The following FADS2 variants were observed in gnomAD, a reference collection of about 807,000 sequenced individuals.
The protein encoded by FADS2 is acyl-CoA 6-desaturase.
Under a neutral mutation model 61.2 loss-of-function variants are expected in FADS2, and 18 were observed. The ratio of observed to expected loss-of-function variants is 0.29; its 90% CI spans 0.20 to 0.44. FADS2 has a LOEUF of 0.44. Ranked by LOEUF, FADS2 falls within the 20% of genes least tolerant of loss-of-function variation. The pLI, the probability that FADS2 is intolerant of heterozygous loss-of-function variation, is 1.00. For missense variants in FADS2, 322 were observed against 572.7 expected, an observed-to-expected ratio of 0.56 and a Z score of 4.47; for synonymous variants, 203 against 223.9, an observed-to-expected ratio of 0.91 and a Z score of 0.83.
chr11:61,860,625 A>G (rs1021085004), intron 7 of FADS2, among the ~76,000 whole-genome samples: 17 of 152,174 alleles, frequency 1.1e-4, no homozygotes, highest in Non-Finnish European at 2.2e-4. Flanking sequence ...TCTACACTCA[A>G]AAGAAGTCCA....
At chr11:61,864,019 G>A in intron 10 of FADS2, 1 of 516,878 alleles carries the variant, frequency 1.9e-6, no homozygotes, top group Non-Finnish European at 3.5e-6. Context: ...CTTGGTCATA[G>A]TGGTTACCAC....
intron 2 of FADS2, 108 bp from the exon 3 acceptor site, chr11:61,840,226 C>A: frequency 1.1e-6 from 1 of 936,346 alleles, no homozygotes; most frequent in Middle Eastern, 3.2e-4. Context: ...CCCCTCTTGC[C>A]ACAGCTTCTC....
At chr11:61,857,321 C>T (rs753098914) in intron 6 of FADS2, 133 bp from the exon 7 acceptor site, 63 of 850,454 alleles carry the variant, frequency 7.4e-5, no homozygotes, top group Admixed American at 2.4e-4. Flanking sequence ...CTGCAGGCCC[C>T]GGGGTCCCTG....
At chr11:61,848,403 C>T in intron 5 of FADS2, 119 bp downstream of exon 5, 2 of 1,501,172 alleles carry the variant, frequency 1.3e-6, no homozygotes, top group Non-Finnish European at 1.8e-6. Flanking sequence ...GGGCGAATGG[C>T]AGCCATCGAG....
rs529084714 is a variant in FADS2, at chr11:61,848,154, C to A, written c.619-5C>A. On this transcript the variant is annotated splice_polypyrimidine_tract_variant and splice_region_variant and intron_variant, in intron 4 of 11. Coordinates refer to ENST00000278840, the MANE Select transcript of FADS2 (RefSeq NM_004265.4). ...TGGCTCATCCCCACCCCTCTCTCCC[C>A]ACAGGGTGCCTCTGCCAACTGGTGG... 4.0e-5 allele frequency: 64 copies of A among 1,614,142 alleles called. No individual in the cohort carries two copies. In the East Asian group the frequency reaches 1.2e-3, roughly 31 times the overall value.
chr11:61,865,085 T>C lies in FADS2; in HGVS notation c.1158-67T>C. 6.4e-7 allele frequency: 1 copy of C among 1,556,836 alleles called. No individual in the cohort carries two copies. Among genetic ancestry groups the C allele is most frequent in the African/African-American group, 1.3e-5 (1 of 74,090 alleles). ...CCCCAGCCAGCCTCTGCCCAGGTGGTGGGAGGAAGCGGGAGCAGCATGGCC... is the reference window on the plus strand; with the variant it reads ...CCCCAGCCAGCCTCTGCCCAGGTGGCGGGAGGAAGCGGGAGCAGCATGGCC... On this transcript the variant is annotated intron_variant, in intron 10 of 11. Coordinates refer to ENST00000278840, the MANE Select transcript of FADS2 (RefSeq NM_004265.4). This position sits in a 1 kb window ranked among gnomAD's most constrained non-coding sequence, Gnocchi z 4.1.
chr11:61,863,959 C>T, intron 10 of FADS2, 173 bp downstream of exon 10: 1 of 602,254 alleles, frequency 1.7e-6, no homozygotes, highest in Non-Finnish European at 3.0e-6. Flanking sequence ...GAGAGGGGCT[C>T]CCCTATTCCA....
At chr11:61,863,528 G>A (rs2067434980) in intron 9 of FADS2, 150 bp downstream of exon 9, 1 of 792,504 alleles carries the variant, frequency 1.3e-6, no homozygotes, top group Non-Finnish European at 2.1e-6. Context: ...AGCAAGAAAG[G>A]GCAGCAGGAA....
At chr11:61,818,773 T>C (rs1262970311) in intron 1 of FADS2, among the ~76,000 whole-genome samples, 1 of 152,226 alleles carries the variant, frequency 6.6e-6, no homozygotes, top group Non-Finnish European at 1.5e-5. Context: ...CCATTTTTCC[T>C]ATGTGACTGT....
Position 61,865,585 on chromosome 11 carries a change from C to T in FADS2, c.1284-53C>T, listed in dbSNP as rs1278447749. 1.3e-6 allele frequency: 2 copies of T among 1,554,312 alleles called. No individual in the cohort carries two copies. The highest frequency in any genetic ancestry group is 1.8e-6 in the Non-Finnish European group (2 of 1,129,594). On this transcript the variant is annotated intron_variant, in intron 11 of 11. Transcript: ENST00000278840. This position sits in a 1 kb window ranked among gnomAD's most constrained non-coding sequence, Gnocchi z 4.1. ...ATGGCCTCCTCAGCCCTTGCACTCC[C>T]TGGGGCCACTCCCGTCCTGGTCCCT...
intron 1 of FADS2, among the ~76,000 whole-genome samples, chr11:61,822,042 TCACTGCAA>T (rs772413301): frequency 6.6e-6 from 1 of 151,998 alleles, no homozygotes; most frequent in Non-Finnish European, 1.5e-5. Context: ...CTGTCTTGGC[TCACTGCAA>T]CCTCCGCCTC....
intron 7 of FADS2, among the ~76,000 whole-genome samples, chr11:61,859,724 T>G (rs986382954): frequency 8.0e-6 from 1 of 124,540 alleles, no homozygotes; most frequent in South Asian, 2.9e-4. Flanking sequence ...CAGTCACTCA[T>G]GCTTGTTATC....
At chr11:61,851,162 A>G (rs939247715) in intron 5 of FADS2, among the ~76,000 whole-genome samples, 3 of 152,158 alleles carry the variant, frequency 2.0e-5, no homozygotes, top group Admixed American at 1.3e-4. Flanking sequence ...AGGCCCTCTG[A>G]TAAGTGGGGA....
intron 5 of FADS2, chr11:61,856,651 A>G: frequency 3.8e-6 from 1 of 260,614 alleles, no homozygotes; most frequent in Non-Finnish European, 7.2e-6. Context: ...TGCCTGTCAC[A>G]TGGGCTCAGA....
chr11:61,825,831 T>G (rs2067080341), upstream of FADS2, among the ~76,000 whole-genome samples: 1 of 151,838 alleles, frequency 6.6e-6, no homozygotes, highest in Non-Finnish European at 1.5e-5. Context: ...AGGTGGAGCT[T>G]GCAGTGAGTA....
Position 61,816,587 on chromosome 11 carries a change from C to T in FADS2, c.141+161C>T, listed in dbSNP as rs2066986268. Reference sequence around the variant, plus strand: ...TCCTGCCCGGCGTAGTGGCTGATGACCCGGGAGCCCCCTGGATGCCGGCGG... The same window carrying T: ...TCCTGCCCGGCGTAGTGGCTGATGATCCGGGAGCCCCCTGGATGCCGGCGG... On this transcript the variant is annotated intron_variant, in intron 1 of 11. Coordinates refer to the FADS2 transcript ENST00000257261. This position sits in a 1 kb window ranked among gnomAD's most constrained non-coding sequence, Gnocchi z 7.0. 6.2e-7 allele frequency: 1 copy of T among 1,609,420 alleles called. No individual in the cohort carries two copies. The highest frequency in any genetic ancestry group is 1.7e-5 in the Admixed American group (1 of 59,630).
chr11:61,818,707 A>G (rs2067010020), intron 1 of FADS2, among the ~76,000 whole-genome samples: 1 of 152,212 alleles, frequency 6.6e-6, no homozygotes, highest in Non-Finnish European at 1.5e-5. Context: ...CGCTGATTAC[A>G]ACTATATAAG....
At chr11:61,837,150 A>G (rs1445058875) in intron 1 of FADS2, among the ~76,000 whole-genome samples, 1 of 152,242 alleles carries the variant, frequency 6.6e-6, no homozygotes, top group East Asian at 1.9e-4. Flanking sequence ...TAGCAGTGTT[A>G]GAGTTTGGAA....
intron 1 of FADS2, among the ~76,000 whole-genome samples, chr11:61,821,123 C>T (rs777942681): frequency 5.3e-5 from 8 of 152,206 alleles, no homozygotes; most frequent in Non-Finnish European, 1.0e-4. Context: ...GAACTTGCCT[C>T]ATCCTGGATA....
Sources: gnomAD v4.1 joint callset for allele counts (sites outside exome capture counted in the v4.1 genomes callset) on GRCh38, gnomAD v4.1.1 for gene constraint, Gnocchi (gnomAD v3.1) non-coding constraint, MANE v1.5 for transcripts, NCBI Gene and HGNC (gene_info 2026-07-23, HGNC 2026-07-21) for gene names.